Variants in ATP5MJ observed in about 807,000 individuals in gnomAD.
The protein encoded by ATP5MJ is ATP synthase membrane subunit j.
In ATP5MJ, 4 loss-of-function variants were observed where a neutral mutation model predicts 8.3. The ratio of observed to expected loss-of-function variants is 0.48; its 90% CI spans 0.24 to 1.11. The LOEUF is 1.11. Among genes scored for constraint, ATP5MJ ranks in the 50% least tolerant of loss-of-function variants. The pLI is 0.18. For synonymous variants in ATP5MJ, 23 were observed against 21.3 expected (o/e 1.08, Z -0.23); for missense variants, 66 against 71.8 (o/e 0.92, Z 0.29).
chr14:103,921,275 A>C lies in ATP5MJ; in HGVS notation c.-1+195T>G, dbSNP rs1035651272. 3 of 445,448 alleles carry C rather than the reference A, an allele frequency of 6.7e-6. No individual in the cohort carries two copies. The Admixed American group carries it at 1.1e-4, about 16-fold the overall frequency. 27.6% of individuals were successfully genotyped at this position (445,448 alleles called of 1,614,324 possible). On this transcript the variant is annotated intron_variant, in intron 1 of 3. Transcript: ENST00000286953. The stretch of plus-strand genomic sequence containing the variant: ...AAGGCCAAGGAGGGAAACGCGGCGC[A>C]GGCCTAGGCGATGCTTCCCTCTGGC...
Position 103,915,096 on chromosome 14 carries a change from C to A in ATP5MJ, c.94G>T (p.Gly32Cys). 6.2e-7 allele frequency: 1 copy of A among 1,613,988 alleles called. No individual in the cohort carries two copies. Among genetic ancestry groups the A allele is most frequent in the Non-Finnish European group, 8.5e-7 (1 of 1,180,006 alleles). The change falls in exon 2 of 4, where the codon GGC becomes TGC. Residue 32 changes from glycine (G) to cysteine (C), a missense_variant. Coordinates refer to ENST00000286953, the MANE Select transcript of ATP5MJ (RefSeq NM_004894.3). ...GCCCGGATTTTATAAACGATGAAGC[C>A]CATCAGCCCCATTCCTATCCAAATC... ...QEIWIGMGLMGFIVYKIRAAD... is the reference protein window; with the variant it reads ...QEIWIGMGLMCFIVYKIRAAD...
Position 103,913,975 on chromosome 14 carries a change from C to T in ATP5MJ, c.134G>A (p.Ser45Asn). ...VYKIRAADKR[S>N]KALKASAPAP... Reference sequence around the variant, plus strand: ...AAAAATCTTACCTTTCAAAGCCTTACTTCTTTTATCTAAAATAAAAGGAAG... The same window carrying T: ...AAAAATCTTACCTTTCAAAGCCTTATTTCTTTTATCTAAAATAAAAGGAAG... Residue 45 changes from serine (S) to asparagine (N), a missense_variant, in exon 3 of 4, where the codon AGT becomes AAT. By Grantham distance (46) the Ser-to-Asn change is conservative. Transcript: ENST00000286953. 6.2e-7 allele frequency: 1 copy of T among 1,608,756 alleles called. No homozygotes were observed. Among genetic ancestry groups the T allele is most frequent in the Non-Finnish European group, 8.5e-7 (1 of 1,178,084 alleles).
chr14:103,914,634 C>T (rs11627596), intron 2 of ATP5MJ: 3 of 570,914 alleles, frequency 5.3e-6, no homozygotes, highest in Non-Finnish European at 9.3e-6. Context: ...AACCCCATCT[C>T]TACAAAAAAA....
At chr14:103,914,391 C>T (rs964639070) in intron 2 of ATP5MJ, 2 of 553,122 alleles carry the variant, frequency 3.6e-6, no homozygotes, top group Middle Eastern at 2.6e-4. Context: ...CAATGAAATA[C>T]CACATACCAT....
intron 1 of ATP5MJ, chr14:103,921,048 CA>C: frequency 1.9e-6 from 3 of 1,551,346 alleles, no homozygotes; most frequent in Non-Finnish European, 2.6e-6. Flanking sequence ...TTGTCATGTA[CA>C]GCATAACGTG....
At chr14:103,920,370 G>A (rs1460873202) in intron 1 of ATP5MJ, among the ~76,000 whole-genome samples, 1 of 150,852 alleles carries the variant, frequency 6.6e-6, no homozygotes, top group East Asian at 1.9e-4. Context: ...TTGACCTCGT[G>A]ATCCGCCCGC....
chr14:103,919,398 A>AG (rs2087653929), intron 1 of ATP5MJ, among the ~76,000 whole-genome samples: 1 of 151,844 alleles, frequency 6.6e-6, no homozygotes, highest in Admixed American at 6.6e-5. Context: ...AAAAAAAAAA[A>AG]AAAAGAATTC....
At position 103,915,300 on chromosome 14, in the gene ATP5MJ, C is replaced by A. The variant is rs1041443863; in HGVS notation, c.1-111G>T. ...CCCATTTCCCATGACTGCTAGGGAG[C>A]CTCGCCTGTGTCAGATGTCAGACCC... On this transcript the variant is annotated intron_variant, in intron 1 of 3. Transcript: ENST00000286953. The A allele has an allele frequency of 2.4e-6, 3 of 1,258,862 alleles. No homozygotes were observed. The Admixed American group carries it at 6.6e-5, about 28-fold the overall frequency. 78.0% of individuals were successfully genotyped at this position (1,258,862 alleles called of 1,614,324 possible).
In ATP5MJ at chr14:103,915,117, A is replaced by G; in HGVS notation, c.73T>C (p.Trp25Arg). 6.2e-7 allele frequency: 1 copy of G among 1,614,106 alleles called. No individual in the cohort carries two copies. The highest frequency in any genetic ancestry group is 8.5e-7 in the Non-Finnish European group (1 of 1,180,008). ...PYYTKVYQEI[W>R]IGMGLMGFIV... is the part of the protein sequence containing the mutation. ...AAGCCCATCAGCCCCATTCCTATCC[A>G]AATCTCCTGGTAAACTTTGGTGTAG... The change falls in exon 2 of 4, where the codon TGG becomes CGG. Residue 25 changes from tryptophan (W) to arginine (R), a missense_variant. Coordinates refer to ENST00000286953, the MANE Select transcript of ATP5MJ (RefSeq NM_004894.3).
At chr14:103,914,326 C>A (rs998016305) in intron 2 of ATP5MJ, 1 of 539,240 alleles carries the variant, frequency 1.9e-6, no homozygotes, top group Non-Finnish European at 3.3e-6. Context: ...GTTATTCCTC[C>A]CCTCCAAATT....
intron 1 of ATP5MJ, 154 bp downstream of exon 1, chr14:103,921,316 A>C: frequency 3.2e-6 from 1 of 309,744 alleles, no homozygotes. Flanking sequence ...ACCCTGGCCT[A>C]CCTCCCTTCA....
chr14:103,915,578 T>C (rs2087619090), intron 1 of ATP5MJ, among the ~76,000 whole-genome samples: 1 of 151,948 alleles, frequency 6.6e-6, no homozygotes, highest in South Asian at 2.1e-4. Context: ...AACTCCTGAG[T>C]GCAGGCGATC....
At chr14:103,914,719 T>C in intron 2 of ATP5MJ, 1 of 546,876 alleles carries the variant, frequency 1.8e-6, no homozygotes, top group Non-Finnish European at 3.2e-6. Flanking sequence ...CCTAGCTACT[T>C]GGCAGGCTGA....
rs1370462680 is a variant in ATP5MJ at position 103,917,706 on chromosome 14, A to T, written c.1-2517T>A. Among the ~76,000 whole-genome samples, 3 of 152,312 alleles carry T rather than the reference A, an allele frequency of 2.0e-5. No individual in the cohort carries two copies. The East Asian group carries it at 5.8e-4, about 29-fold the overall frequency. ...AATGGGGAGGCCAGGCCGGAGCTAC[A>T]GCAGGGACTGCCCTGATTGTGGTTA... On this transcript the variant is annotated intron_variant, in intron 1 of 3. Transcript: ENST00000286953.
chr14:103,913,843 A>T, intron 3 of ATP5MJ, 118 bp downstream of exon 3: 1 of 1,182,558 alleles, frequency 8.5e-7, no homozygotes, highest in Non-Finnish European at 1.2e-6. Context: ...TTTCAACTGC[A>T]CCTTACATAT....
Position 103,917,579 on chromosome 14 carries a change from C to T in ATP5MJ, c.1-2390G>A, listed in dbSNP as rs200284846. Reference sequence around the variant, plus strand: ...AGGGCAGCTGGTGGGGGCTGCAGAGCCCCTTCGATTCCTCCCCCACCGTGG... The same window carrying T: ...AGGGCAGCTGGTGGGGGCTGCAGAGTCCCTTCGATTCCTCCCCCACCGTGG... On this transcript the variant is annotated intron_variant, in intron 1 of 3. Transcript: ENST00000286953. 5.9e-5 allele frequency among the ~76,000 whole-genome samples: 9 copies of T among 152,044 alleles called. No homozygotes were observed. In the East Asian group the frequency reaches 1.7e-3, roughly 29 times the overall value.
chr14:103,914,850 A>AAG lies in ATP5MJ; in HGVS notation c.124+215_124+216insCT, dbSNP rs2087611589. On this transcript the variant is annotated intron_variant, in intron 2 of 3. Coordinates refer to ENST00000286953, the MANE Select transcript of ATP5MJ (RefSeq NM_004894.3). ...AGAGACTGTCTCCAAAAAAAAAAAA[A>AAG]AAAAAAAGAAAAGAAAAGAAAAAAA... 1.6e-5 allele frequency: 7 copies of AAG among 427,580 alleles called. No individual in the cohort carries two copies. The South Asian group carries it at 2.0e-4, about 12-fold the overall frequency. 26.5% of individuals were successfully genotyped at this position (427,580 alleles called of 1,614,324 possible). A position where few individuals can be genotyped will look rare whatever the true frequency, so the allele number is the denominator to read the frequency against.
intron 1 of ATP5MJ, among the ~76,000 whole-genome samples, chr14:103,918,994 C>T (rs1298800797): frequency 6.6e-6 from 1 of 151,308 alleles, no homozygotes; most frequent in African/African-American, 2.4e-5. Flanking sequence ...TGCACTCCAG[C>T]CTGGGTGACA....
At chr14:103,917,536 T>G (rs1362254905) in intron 1 of ATP5MJ, among the ~76,000 whole-genome samples, 1 of 152,126 alleles carries the variant, frequency 6.6e-6, no homozygotes, top group Non-Finnish European at 1.5e-5. Flanking sequence ...AATCTGGAAC[T>G]GGCCTGGATG....
Sources: gnomAD v4.1 joint callset for allele counts (sites outside exome capture counted in the v4.1 genomes callset) on GRCh38, gnomAD v4.1.1 for gene constraint, MANE v1.5 for transcripts, NCBI Gene and HGNC (gene_info 2026-07-23, HGNC 2026-07-21) for gene names.